The following CPNE4 variants were observed in gnomAD, a reference collection of about 807,000 sequenced individuals.
CPNE4 encodes copine 4, also known as copine-4.
In CPNE4, 25 loss-of-function variants were observed where a neutral mutation model predicts 67.9. That is an observed-to-expected ratio of 0.37 (90% CI 0.27 to 0.51). The LOEUF (loss-of-function observed/expected upper bound fraction) is 0.51, where lower values mean the gene tolerates loss of function less well. Ranked by LOEUF, CPNE4 falls within the 20% of genes least tolerant of loss-of-function variation. The pLI, the probability that CPNE4 is intolerant of heterozygous loss-of-function variation, is 0.93. For synonymous variants in CPNE4, 242 were observed against 244.9 expected (o/e 0.99, Z 0.11); for missense variants, 464 against 690.8 (o/e 0.67, Z 3.68).
intron 2 of CPNE4, among the ~76,000 whole-genome samples, chr3:131,734,535 T>A (rs969841628): frequency 3.9e-5 from 6 of 152,112 alleles, no homozygotes; most frequent in African/African-American, 1.2e-4. Context: ...TCATTCCTCA[T>A]CTATTCCTGA....
intron 2 of CPNE4, among the ~76,000 whole-genome samples, chr3:131,788,141 G>A (rs1270267121): frequency 2.0e-5 from 3 of 151,890 alleles, no homozygotes; most frequent in African/African-American, 7.3e-5. Context: ...GAAATTCATA[G>A]TTTTCAGACA....
At chr3:131,818,491 G>C (rs1163749502) in intron 2 of CPNE4, among the ~76,000 whole-genome samples, 1 of 152,206 alleles carries the variant, frequency 6.6e-6, no homozygotes, top group Non-Finnish European at 1.5e-5. Flanking sequence ...CATTGACCTT[G>C]TGTAGGTGCC....
chr3:131,792,661 G>GTGTATATATGTA (rs1560322005), intron 2 of CPNE4, among the ~76,000 whole-genome samples: 5 of 38,358 alleles, frequency 1.3e-4, no homozygotes, highest in African/African-American at 6.3e-4. Flanking sequence ...ATATACACAC[G>GTGTATATATGTA]TGTATATATA....
intron 3 of CPNE4, among the ~76,000 whole-genome samples, chr3:131,703,081 C>T (rs896240262): frequency 1.3e-5 from 2 of 152,192 alleles, no homozygotes; most frequent in Non-Finnish European, 2.9e-5. Flanking sequence ...AGAAGCCCAA[C>T]TGGAGCAGTG....
intron 2 of CPNE4, among the ~76,000 whole-genome samples, chr3:131,860,516 A>C (rs2086632310): frequency 1.3e-5 from 2 of 152,218 alleles, no homozygotes; most frequent in Admixed American, 1.3e-4. Context: ...AGACATCTGG[A>C]AACTGTATTT....
At chr3:131,825,420 G>A (rs952075777) in intron 2 of CPNE4, among the ~76,000 whole-genome samples, 4 of 151,796 alleles carry the variant, frequency 2.6e-5, no homozygotes, top group Non-Finnish European at 5.9e-5. Context: ...CTTGAACTTG[G>A]GAGGCAGAGG....
chr3:131,638,742 A>G (rs1484045807), intron 7 of CPNE4, among the ~76,000 whole-genome samples: 1 of 152,184 alleles, frequency 6.6e-6, no homozygotes, highest in African/African-American at 2.4e-5. Context: ...CACATGGAAC[A>G]TTCTCCAAGA....
chr3:131,848,972 A>AAC (rs1553786334), intron 2 of CPNE4, among the ~76,000 whole-genome samples: 3 of 150,774 alleles, frequency 2.0e-5, no homozygotes, highest in African/African-American at 7.3e-5. Context: ...AAAAAAAAAA[A>AAC]AAAAAAAAAA....
chr3:131,579,693 T>C (rs982194405), intron 9 of CPNE4, among the ~76,000 whole-genome samples: 2 of 152,118 alleles, frequency 1.3e-5, no homozygotes, highest in African/African-American at 4.8e-5. Context: ...ACTTCACTGG[T>C]GGGACAAACT....
chr3:131,560,052 T>C (rs1297153610), intron 11 of CPNE4, among the ~76,000 whole-genome samples: 1 of 152,088 alleles, frequency 6.6e-6, no homozygotes, highest in Non-Finnish European at 1.5e-5. Context: ...AAGTGAACTT[T>C]AGAACTGACA....
chr3:131,877,089 T>C (rs546765999), intron 2 of CPNE4, among the ~76,000 whole-genome samples: 2 of 152,222 alleles, frequency 1.3e-5, no homozygotes, highest in African/African-American at 2.4e-5. Flanking sequence ...TGATTAGTTT[T>C]CCATCCTCTT....
intron 6 of CPNE4, among the ~76,000 whole-genome samples, chr3:131,682,475 T>C (rs972677341): frequency 1.3e-5 from 2 of 152,140 alleles, no homozygotes; most frequent in African/African-American, 4.8e-5. Flanking sequence ...CCTCTTCCTT[T>C]ACTTTCTCCC....
intron 1 of CPNE4, among the ~76,000 whole-genome samples, chr3:131,986,621 G>T (rs2073049681): frequency 6.6e-6 from 1 of 152,070 alleles, no homozygotes; most frequent in Admixed American, 6.5e-5. Flanking sequence ...AAGGAGGCTG[G>T]GCCCGGTGGC....
chr3:131,547,480 A>ATC (rs1559876344), intron 14 of CPNE4, among the ~76,000 whole-genome samples: 2 of 140,250 alleles, frequency 1.4e-5, no homozygotes, highest in African/African-American at 5.6e-5. Flanking sequence ...AAAAAAAAAA[A>ATC]AAAAAAAAAA....
chr3:131,777,336 A>G (rs2083314732), intron 2 of CPNE4, among the ~76,000 whole-genome samples: 1 of 151,826 alleles, frequency 6.6e-6, no homozygotes. Context: ...TCAGCTTTGA[A>G]TTTTTAAGGT....
At chr3:131,916,604 T>C (rs1196226022) in intron 1 of CPNE4, among the ~76,000 whole-genome samples, 1 of 152,088 alleles carries the variant, frequency 6.6e-6, no homozygotes, top group African/African-American at 2.4e-5. Context: ...GATAACAAAG[T>C]ATAAAAAGAA....
chr3:131,550,167 T>C (rs1936092712), intron 13 of CPNE4, 87 bp from the exon 14 acceptor site: 19 of 1,389,932 alleles, frequency 1.4e-5, no homozygotes, highest in Non-Finnish European at 3.0e-6. Flanking sequence ...AAGCATTAAA[T>C]ATCCCAAATA....
chr3:131,587,081 G>A (rs1024137197), intron 8 of CPNE4, among the ~76,000 whole-genome samples: 2 of 152,142 alleles, frequency 1.3e-5, no homozygotes, highest in African/African-American at 4.8e-5. Flanking sequence ...TGTGCTAGGC[G>A]CTCTGCTATC....
At chr3:131,740,311 T>C (rs1263238339) in intron 2 of CPNE4, among the ~76,000 whole-genome samples, 1 of 152,210 alleles carries the variant, frequency 6.6e-6, no homozygotes, top group Non-Finnish European at 1.5e-5. Context: ...CTAGGTCATC[T>C]TATACACTGT....
Sources: allele counts gnomAD v4.1 joint callset (sites outside exome capture counted in the v4.1 genomes callset), GRCh38; gene constraint gnomAD v4.1.1; transcripts MANE v1.5; gene names NCBI Gene and HGNC (gene_info 2026-07-23, HGNC 2026-07-21).